The following RGS9 variants were observed in gnomAD, a reference collection of about 807,000 sequenced individuals.
RGS9 encodes the protein regulator of G-protein signalling 9.
A neutral mutation model predicts 102.0 loss-of-function variants in RGS9; 78 were observed. That is an observed-to-expected ratio of 0.76 (90% CI 0.64 to 0.92). RGS9 has a LOEUF of 0.92. Ranked by LOEUF, RGS9 falls within the 40% of genes least tolerant of loss-of-function variation. RGS9 has a pLI of 0.00. For synonymous variants in RGS9, 353 were observed against 318.6 expected (o/e 1.11, Z -1.15); for missense variants, 833 against 866.1 (o/e 0.96, Z 0.48).
chr17:65,174,499 A>ATGTATGTGAGAATATGTATG (rs1911542891), intron 8 of RGS9, among the ~76,000 whole-genome samples: 1 of 151,920 alleles, frequency 6.6e-6, no homozygotes, highest in South Asian at 2.1e-4. Flanking sequence ...CAAGGTGTGC[A>ATGTATGTGAGAATATGTATG]TGTATGTGAG....
At chr17:65,154,021 T>C (rs1484310607) in intron 2 of RGS9, among the ~76,000 whole-genome samples, 2 of 152,120 alleles carry the variant, frequency 1.3e-5, no homozygotes, top group South Asian at 2.1e-4. Context: ...AAATATATAG[T>C]TGTGGCCAGG....
At chr17:65,138,961 A>C (rs868490163) in intron 1 of RGS9, among the ~76,000 whole-genome samples, 54 of 70,372 alleles carry the variant, frequency 7.7e-4, no homozygotes, top group African/African-American at 1.8e-3. Context: ...CTCCCCAGCC[A>C]CCCCTCCTCC....
chr17:65,213,730 T>A (rs1365200136), intron 17 of RGS9, among the ~76,000 whole-genome samples: 1 of 152,130 alleles, frequency 6.6e-6, no homozygotes, highest in Non-Finnish European at 1.5e-5. Context: ...GTGCTCTGTG[T>A]CAGGCTCATA....
chr17:65,169,549 C>G (rs534998963), intron 8 of RGS9, among the ~76,000 whole-genome samples: 1 of 152,216 alleles, frequency 6.6e-6, no homozygotes, highest in Non-Finnish European at 1.5e-5. Context: ...TGGCAAGACA[C>G]CTTGGTGCCC....
intron 8 of RGS9, 22 bp from the exon 9 acceptor site, chr17:65,177,710 A>G (rs1008710029): frequency 6.2e-7 from 1 of 1,610,388 alleles, no homozygotes; most frequent in East Asian, 2.2e-5. Flanking sequence ...TAATGACCTT[A>G]TGTTGTTTTT....
chr17:65,160,685 C>CCTTT, intron 5 of RGS9, 98 bp downstream of exon 5: 1 of 1,463,996 alleles, frequency 6.8e-7, no homozygotes, highest in Non-Finnish European at 9.5e-7. Context: ...GTCATCATGA[C>CCTTT]CTTTCTGTCA....
intron 3 of RGS9, among the ~76,000 whole-genome samples, chr17:65,159,358 T>G (rs1666224030): frequency 6.6e-6 from 1 of 152,098 alleles, no homozygotes; most frequent in Non-Finnish European, 1.5e-5. Context: ...AAGGCAGCAA[T>G]TTAGAAAATG....
intron 7 of RGS9, among the ~76,000 whole-genome samples, chr17:65,166,537 CGAATGAATGAAT>C (rs1598577780): frequency 6.6e-6 from 1 of 152,150 alleles, no homozygotes; most frequent in South Asian, 2.1e-4. Context: ...CATGAATGAA[CGAATGAATGAAT>C]GAAAAATTAA....
chr17:65,153,365 C>A, intron 1 of RGS9, 57 bp from the exon 2 acceptor site: 1 of 1,466,120 alleles, frequency 6.8e-7, no homozygotes, highest in Non-Finnish European at 9.6e-7. Context: ...GGAAATTGCC[C>A]TGCACAACTT....
chr17:65,157,909 G>T (rs538660340), intron 2 of RGS9, among the ~76,000 whole-genome samples: 2 of 152,034 alleles, frequency 1.3e-5, no homozygotes, highest in South Asian at 2.1e-4. Context: ...GGTCTGTTTT[G>T]TGTGTGTGTA....
intron 14 of RGS9, 102 bp from the exon 15 acceptor site, chr17:65,204,061 C>A (rs758874894): frequency 7.1e-7 from 1 of 1,411,446 alleles, no homozygotes; most frequent in East Asian, 2.3e-5. Context: ...CCCTCACCCT[C>A]GGTAACCGAT....
At chr17:65,195,085 G>A (rs1184036012) in intron 12 of RGS9, among the ~76,000 whole-genome samples, 1 of 152,210 alleles carries the variant, frequency 6.6e-6, no homozygotes, top group Non-Finnish European at 1.5e-5. Flanking sequence ...GGCTCTGGCT[G>A]TTGGGGTGCT....
At chr17:65,207,879 C>T in intron 15 of RGS9, 43 bp from the exon 16 acceptor site, 2 of 1,453,232 alleles carry the variant, frequency 1.4e-6, no homozygotes, top group Non-Finnish European at 1.9e-6. Context: ...GATTTGACTG[C>T]TTTTTTCTCT....
chr17:65,211,775 A>T (rs1913312329), intron 17 of RGS9, among the ~76,000 whole-genome samples: 1 of 152,272 alleles, frequency 6.6e-6, no homozygotes, highest in Non-Finnish European at 1.5e-5. Flanking sequence ...ATGTGCAAAC[A>T]TCGGTGAATA....
intron 17 of RGS9, among the ~76,000 whole-genome samples, chr17:65,214,777 C>T (rs1479919206): frequency 6.6e-6 from 1 of 152,188 alleles, no homozygotes; most frequent in Non-Finnish European, 1.5e-5. Context: ...TGGCCCTGAG[C>T]ACAGGGTCCA....
At chr17:65,189,225 G>T in intron 9 of RGS9, 61 bp from the exon 10 acceptor site, 1 of 1,376,240 alleles carries the variant, frequency 7.3e-7, no homozygotes, top group South Asian at 1.2e-5. Flanking sequence ...TTTCAAATGG[G>T]TGTTTGAACT....
chr17:65,151,300 G>A (rs1331268255), intron 1 of RGS9, among the ~76,000 whole-genome samples: 4 of 150,740 alleles, frequency 2.7e-5, no homozygotes, highest in Non-Finnish European at 2.9e-5. Context: ...AGCCAAGATC[G>A]TGCCACTGCA....
intron 9 of RGS9, among the ~76,000 whole-genome samples, chr17:65,178,899 C>G (rs917880917): frequency 1.3e-5 from 2 of 152,196 alleles, no homozygotes; most frequent in African/African-American, 4.8e-5. Flanking sequence ...ACCTCCATTC[C>G]TCTCCCTGCC....
At position 65,141,359 on chromosome 17, in the gene RGS9, G is replaced by A. The variant is rs140353350; in HGVS notation, c.57+3762G>A. On this transcript the variant is annotated intron_variant, in intron 1 of 18. Coordinates refer to ENST00000262406, the MANE Select transcript of RGS9 (RefSeq NM_003835.4). The stretch of plus-strand genomic sequence containing the variant: ...CACCATCCCAGCCAGTACCACCACC[G>A]CCCTTGGGATTCACCATGGGCGAAT... Among the ~76,000 whole-genome samples, 762 of 152,246 alleles carry A rather than the reference G, an allele frequency of 5.0e-3. 5 individuals carry two copies. Among genetic ancestry groups the A allele is most frequent in the African/African-American group, 0.017 (712 of 41,542 alleles).
Sources: allele counts gnomAD v4.1 joint callset (sites outside exome capture counted in the v4.1 genomes callset), GRCh38; gene constraint gnomAD v4.1.1; transcripts MANE v1.5; gene names NCBI Gene and HGNC (gene_info 2026-07-23, HGNC 2026-07-21).